APBB2: variants seen among roughly 807,000 people sequenced by gnomAD.
APBB2 encodes Fe65-like 1.
A neutral mutation model predicts 82.5 loss-of-function variants in APBB2; 38 were observed. That is an observed-to-expected ratio of 0.46 (90% CI 0.36 to 0.60). APBB2 has a LOEUF of 0.60. Ranked by LOEUF, APBB2 falls within the 20% of genes least tolerant of loss-of-function variation. The probability of loss-of-function intolerance (pLI) is 0.00; values close to 1 mark genes in which losing one functional copy is unlikely to be tolerated. For synonymous variants in APBB2, 341 were observed against 368.2 expected, an observed-to-expected ratio of 0.93 and a Z score of 0.85; for missense variants, 772 against 972.3, an observed-to-expected ratio of 0.79 and a Z score of 2.74.
chr4:40,890,302 G>A (rs146975421), intron 12 of APBB2, 62 bp downstream of exon 12: 738 of 1,552,948 alleles, frequency 4.8e-4, no homozygotes, highest in Middle Eastern at 7.0e-4. Flanking sequence ...CCCATGCTTT[G>A]GTGTTCAGCT....
chr4:41,066,909 T>C (rs926087751), intron 3 of APBB2, among the ~76,000 whole-genome samples: 23 of 152,086 alleles, frequency 1.5e-4, no homozygotes, highest in Admixed American at 6.5e-5. Context: ...AGGAGACCTG[T>C]TCGGTTGTTA....
At chr4:41,156,073 G>C (rs1381314518) in intron 1 of APBB2, among the ~76,000 whole-genome samples, 3 of 150,966 alleles carry the variant, frequency 2.0e-5, no homozygotes, top group Non-Finnish European at 4.4e-5. Context: ...ATGGCTTTAT[G>C]AATTGTTCTC....
chr4:40,901,404 T>C (rs542576892), intron 10 of APBB2, among the ~76,000 whole-genome samples: 6 of 149,148 alleles, frequency 4.0e-5, no homozygotes, highest in African/African-American at 1.5e-4. Flanking sequence ...AAGATACCCC[T>C]AGGTGGTGGG....
At chr4:40,981,343 C>T (rs35006827) in intron 6 of APBB2, among the ~76,000 whole-genome samples, 29,799 of 151,534 alleles carry the variant, frequency 0.2, 3,159 homozygotes, top group Middle Eastern at 0.24. Context: ...GATCGCACCA[C>T]TGTACTCTGG....
chr4:40,982,212 G>C (rs1798685359), intron 6 of APBB2, among the ~76,000 whole-genome samples: 1 of 32,974 alleles, frequency 3.0e-5, no homozygotes, highest in African/African-American at 9.5e-5. Flanking sequence ...AGAAAAGAAA[G>C]AAAAGAAAGG....
chr4:41,069,504 T>C (rs969879), intron 3 of APBB2, among the ~76,000 whole-genome samples: 116,738 of 152,122 alleles, frequency 0.77, 44,960 homozygotes, highest in East Asian at 0.85. Flanking sequence ...TTGTCTATTC[T>C]GTTAACAGGA....
At chr4:40,877,644 C>T (rs976549654) in intron 12 of APBB2, among the ~76,000 whole-genome samples, 3 of 152,180 alleles carry the variant, frequency 2.0e-5, no homozygotes, top group Admixed American at 2.0e-4. Flanking sequence ...CTGCTGTGCC[C>T]TGTTTAGTTC....
At position 40,812,894 on chromosome 4, in the gene APBB2, GA is replaced by G. The variant is rs1180386984; in HGVS notation, c.*3197del. The stretch of plus-strand genomic sequence containing the variant: ...CTATGAGTGATCTTGTATCCAGGTG[GA>G]AACAAAGGGCATGTGTACATGTATA... On this transcript the variant is annotated 3_prime_UTR_variant, in exon 18 of 18. Transcript: ENST00000508593. 1 of 152,202 alleles carries G rather than the reference GA, an allele frequency of 6.6e-6. No homozygotes were observed. The highest frequency in any genetic ancestry group is 1.9e-4 in the East Asian group (1 of 5,204). 9.4% of individuals were successfully genotyped at this position (152,202 alleles called of 1,614,324 possible).
intron 1 of APBB2, among the ~76,000 whole-genome samples, chr4:41,195,385 T>A: frequency 6.6e-6 from 1 of 152,132 alleles, no homozygotes; most frequent in African/African-American, 2.4e-5. Flanking sequence ...ACACCCCACA[T>A]TCAGTCCATC....
intron 5 of APBB2, among the ~76,000 whole-genome samples, chr4:41,025,711 G>C (rs979776779): frequency 3.9e-5 from 6 of 151,956 alleles, no homozygotes; most frequent in Non-Finnish European, 8.8e-5. Flanking sequence ...CTCAGGTCAG[G>C]AGTTTGAGAC....
intron 3 of APBB2, among the ~76,000 whole-genome samples, chr4:41,081,680 T>C (rs1737678326): frequency 6.6e-6 from 1 of 152,224 alleles, no homozygotes; most frequent in African/African-American, 2.4e-5. Flanking sequence ...CAGTGAAGGT[T>C]CTACTTCCAA....
chr4:41,210,992 C>A (rs190901691), intron 1 of APBB2, among the ~76,000 whole-genome samples: 1 of 152,168 alleles, frequency 6.6e-6, no homozygotes, highest in Non-Finnish European at 1.5e-5. Context: ...TGATGGCTCA[C>A]GCCTGTAATC....
At chr4:40,981,707 T>A (rs1056694608) in intron 6 of APBB2, among the ~76,000 whole-genome samples, 2 of 152,164 alleles carry the variant, frequency 1.3e-5, no homozygotes, top group East Asian at 3.9e-4. Flanking sequence ...CTCACTCCAA[T>A]TGGAGCCCCT....
intron 12 of APBB2, among the ~76,000 whole-genome samples, chr4:40,870,493 G>C (rs545184677): frequency 6.6e-6 from 1 of 152,150 alleles, no homozygotes; most frequent in Non-Finnish European, 1.5e-5. Flanking sequence ...GAAGCCAACC[G>C]GTGTGCCTCA....
intron 5 of APBB2, among the ~76,000 whole-genome samples, chr4:41,031,567 G>A (rs1716831407): frequency 6.6e-6 from 1 of 152,162 alleles, no homozygotes; most frequent in African/African-American, 2.4e-5. Context: ...AGCTGTTTGA[G>A]CACCAGCATG....
intron 1 of APBB2, among the ~76,000 whole-genome samples, chr4:41,168,265 G>A (rs1308864968): frequency 1.3e-5 from 2 of 149,638 alleles, no homozygotes; most frequent in Admixed American, 6.6e-5. Flanking sequence ...CAGCCTGGGC[G>A]ACAGAGTGAG....
At position 40,910,872 on chromosome 4, in the gene APBB2, C is replaced by A. The variant is rs568361808; in HGVS notation, c.1255-17461G>T. 2.3e-4 allele frequency among the ~76,000 whole-genome samples: 35 copies of A among 152,374 alleles called. No individual in the cohort carries two copies. In the South Asian group the frequency reaches 6.2e-3, roughly 27 times the overall value. On this transcript the variant is annotated intron_variant, in intron 10 of 17. Coordinates refer to ENST00000508593, the MANE Select transcript of APBB2 (RefSeq NM_004307.2). ...GGAGGGATAATCTTGCCTTTGCAGGCACTGCTGTGGATTCAAGGGGCTGTG... is the reference window on the plus strand; with the variant it reads ...GGAGGGATAATCTTGCCTTTGCAGGAACTGCTGTGGATTCAAGGGGCTGTG...
At chr4:40,879,005 C>T (rs1767641963) in intron 12 of APBB2, among the ~76,000 whole-genome samples, 1 of 152,060 alleles carries the variant, frequency 6.6e-6, no homozygotes, top group Admixed American at 6.6e-5. Flanking sequence ...TCCTGTCTTC[C>T]CTTTTCAAAC....
chr4:40,859,223 C>T (rs1388450723), intron 12 of APBB2, among the ~76,000 whole-genome samples: 5 of 152,108 alleles, frequency 3.3e-5, no homozygotes, highest in Non-Finnish European at 7.4e-5. Context: ...CAACTTGCCC[C>T]CTTCTCTCAA....
Sources: allele counts gnomAD v4.1 joint callset (sites outside exome capture counted in the v4.1 genomes callset), GRCh38; gene constraint gnomAD v4.1.1; transcripts MANE v1.5; gene names NCBI Gene and HGNC (gene_info 2026-07-23, HGNC 2026-07-21).